CGB7: variants seen among roughly 807,000 people sequenced by gnomAD.
CGB7 encodes the protein chorionic gonadotropin subunit beta 7.
A neutral mutation model predicts 7.3 loss-of-function variants in CGB7; 6 were observed. That is an observed-to-expected ratio of 0.82 (90% CI 0.45 to 1.62). The LOEUF is 1.62. Ranked by LOEUF, CGB7 falls within the 40% of genes most tolerant of loss-of-function variation. CGB7 has a pLI of 0.01. For synonymous variants in CGB7, 47 were observed against 100.8 expected (o/e 0.47, Z 3.20); for missense variants, 114 against 236.2 (o/e 0.48, Z 3.39).
Position 49,055,658 on chromosome 19 carries a change from A to G in CGB7, c.-283T>C. On this transcript the variant is annotated 5_prime_UTR_variant, in exon 3 of 5. Transcript: ENST00000684222. ...ACTAGTCGAGGCTGGAGGCACAGAG[A>G]GTAGGGTGTAGGAAGGCCTGCCTCT... The G allele has an allele frequency of 6.5e-6, 9 of 1,383,420 alleles. No individual in the cohort carries two copies. The highest frequency in any genetic ancestry group is 6.6e-6 in the Non-Finnish European group (7 of 1,066,564). The allele number at this position is 1,383,420 out of a possible 1,614,324, so 85.7% of individuals were successfully genotyped here.
At chr19:49,057,028 G>A in intron 2 of CGB7, 93 bp downstream of exon 2, 3 of 1,336,932 alleles carry the variant, frequency 2.2e-6, no homozygotes, top group South Asian at 1.3e-5. Flanking sequence ...TGAGACCACC[G>A]GTCAGGGAAT....
rs777084257 is a variant in CGB7, at chr19:49,056,413, C to G, written c.-1038G>C. On this transcript the variant is annotated 5_prime_UTR_variant, in exon 3 of 5. Transcript: ENST00000684222. ...GGCGGAAGCGGTCGAGCCGGCGGAG[C>G]GGGTGCGGCGAGGAGCTGTAGGTTT... is the stretch of plus-strand genomic sequence containing the variant. 7.7e-7 allele frequency: 1 copy of G among 1,296,392 alleles called. No individual in the cohort carries two copies. 80.3% of individuals were successfully genotyped at this position (1,296,392 alleles called of 1,614,324 possible). A position where few individuals can be genotyped will look rare whatever the true frequency, so the allele number is the denominator to read the frequency against.
Position 49,055,887 on chromosome 19 carries a change from C to T in CGB7, c.-512G>A, listed in dbSNP as rs1226898584. 74 of 1,080,420 alleles carry T rather than the reference C, an allele frequency of 6.8e-5. 1 individual carries two copies. The highest frequency in any genetic ancestry group is 7.7e-5 in the Non-Finnish European group (68 of 884,198). 66.9% of individuals were successfully genotyped at this position (1,080,420 alleles called of 1,614,324 possible). On this transcript the variant is annotated 5_prime_UTR_variant, in exon 3 of 5. Coordinates refer to ENST00000684222, the MANE Select transcript of CGB7 (RefSeq NM_001385261.1). Reference sequence around the variant, plus strand: ...CCAGGGAAGCCACTTGACCCAGATGCCCCCCAACGAGGGATTCAGCCCGAG... The same window carrying T: ...CCAGGGAAGCCACTTGACCCAGATGTCCCCCAACGAGGGATTCAGCCCGAG...
In CGB7 at chr19:49,055,437, G is replaced by C. The variant is rs1450464734; in HGVS notation, c.-62C>G. The C allele has an allele frequency of 1.4e-5, 22 of 1,605,814 alleles. No homozygotes were observed. The highest frequency in any genetic ancestry group is 1.9e-5 in the Non-Finnish European group (22 of 1,175,832). On this transcript the variant is annotated 5_prime_UTR_variant, in exon 3 of 5. Transcript: ENST00000684222. ...TACCTCGGGTTTGTGGGGGCGTCAA[G>C]GCCACCAGGAGGTTGTAGGATGCTG...
intron 2 of CGB7, 133 bp downstream of exon 2, chr19:49,056,988 T>C: frequency 1.0e-6 from 1 of 962,682 alleles, no homozygotes; most frequent in Non-Finnish European, 1.6e-6. Flanking sequence ...GGGTCTGAAC[T>C]GTGGTTGTTG....
intron 3 of CGB7, 115 bp downstream of exon 3, chr19:49,055,246 G>A (rs1243659764): frequency 1.2e-5 from 20 of 1,603,514 alleles, no homozygotes; most frequent in Non-Finnish European, 1.6e-5. Context: ...GCTTATTGGG[G>A]GTCACGCTCC....
In CGB7 at chr19:49,057,508, GC is replaced by G; in HGVS notation, c.-1396del. 4.9e-6 allele frequency: 6 copies of G among 1,223,544 alleles called. No homozygotes were observed. The highest frequency in any genetic ancestry group is 1.9e-5 in the South Asian group (1 of 53,246). The allele number at this position is 1,223,544 out of a possible 1,614,324, so 75.8% of individuals were successfully genotyped here. A position where few individuals can be genotyped will look rare whatever the true frequency, so the allele number is the denominator to read the frequency against. On this transcript the variant is annotated 5_prime_UTR_variant, in exon 1 of 5. Coordinates refer to ENST00000684222, the MANE Select transcript of CGB7 (RefSeq NM_001385261.1). ...TGCTGGTCAAGGAACTCAAATGCAG[GC>G]CCCCAGCCACCACAAAATCCCCCTG... is the stretch of plus-strand genomic sequence containing the variant.
rs2040066045 is a variant in CGB7 at position 49,056,468 on chromosome 19, G to A, written c.-1093C>T. ...AGCCGGAGACATGGCCCGCCGTGCG[G>A]CGCTCGAGGCGGCCTGGAAGAGCAG... On this transcript the variant is annotated 5_prime_UTR_variant, in exon 3 of 5. Coordinates refer to ENST00000684222, the MANE Select transcript of CGB7 (RefSeq NM_001385261.1). 1 of 1,300,206 alleles carries A rather than the reference G, an allele frequency of 7.7e-7. No homozygotes were observed. Among genetic ancestry groups the A allele is most frequent in the African/African-American group, 1.5e-5 (1 of 66,110 alleles). 80.5% of individuals were successfully genotyped at this position (1,300,206 alleles called of 1,614,324 possible).
At position 49,055,656 on chromosome 19, in the gene CGB7, A is replaced by G. The variant is rs56131938; in HGVS notation, c.-281T>C. The G allele has an allele frequency of 0.045, 62,938 of 1,384,526 alleles. 1,811 individuals are homozygous for G. Among genetic ancestry groups the G allele is most frequent in the Middle Eastern group, 0.051 (189 of 3,680 alleles). The allele number at this position is 1,384,526 out of a possible 1,614,324, so 85.8% of individuals were successfully genotyped here. A position where few individuals can be genotyped will look rare whatever the true frequency, so the allele number is the denominator to read the frequency against. ...GGACTAGTCGAGGCTGGAGGCACAG[A>G]GAGTAGGGTGTAGGAAGGCCTGCCT... is the stretch of plus-strand genomic sequence containing the variant. On this transcript the variant is annotated 5_prime_UTR_variant, in exon 3 of 5. Transcript: ENST00000684222.
intron 1 of CGB7, 99 bp downstream of exon 1, chr19:49,057,363 A>G: frequency 7.0e-7 from 1 of 1,432,526 alleles, no homozygotes; most frequent in East Asian, 2.6e-5. Context: ...CATGACGGCC[A>G]CGGCCCTCAC....
rs1278128145 is a variant in CGB7, at chr19:49,055,718, C to T, written c.-343G>A. 28 of 1,269,616 alleles carry T rather than the reference C, an allele frequency of 2.2e-5. 1 individual carries two copies. The highest frequency in any genetic ancestry group is 6.3e-4 in the Middle Eastern group (2 of 3,170). 78.6% of individuals were successfully genotyped at this position (1,269,616 alleles called of 1,614,324 possible). A position where few individuals can be genotyped will look rare whatever the true frequency, so the allele number is the denominator to read the frequency against. ...GGGGTCTTGGGAACCAGGAGGAGGCCGTGACCCGAGAAAGGTGCTGGACTG... is the reference window on the plus strand; with the variant it reads ...GGGGTCTTGGGAACCAGGAGGAGGCTGTGACCCGAGAAAGGTGCTGGACTG... On this transcript the variant is annotated 5_prime_UTR_variant, in exon 3 of 5. Coordinates refer to ENST00000684222, the MANE Select transcript of CGB7 (RefSeq NM_001385261.1).
rs1376784723 is a variant in CGB7 at position 49,055,549 on chromosome 19, C to T, written c.-174G>A. ...AGTGGCTCAGCGGAGCACCCCAGTC[C>T]TCTCCCCTCAGTGGTCTAGCGCCAA... On this transcript the variant is annotated 5_prime_UTR_variant, in exon 3 of 5. Coordinates refer to ENST00000684222, the MANE Select transcript of CGB7 (RefSeq NM_001385261.1). 14 of 1,550,770 alleles carry T rather than the reference C, an allele frequency of 9.0e-6. No individual in the cohort carries two copies. Among genetic ancestry groups the T allele is most frequent in the South Asian group, 2.5e-5 (2 of 81,040 alleles).
At chr19:49,057,346 C>T in intron 1 of CGB7, 98 bp from the exon 2 acceptor site, 1 of 1,446,714 alleles carries the variant, frequency 6.9e-7, no homozygotes, top group South Asian at 1.4e-5. Flanking sequence ...CCTTCGGCCT[C>T]GACAGCCATG....
Position 49,055,068 on chromosome 19 carries a change from C to T in CGB7, c.16-60G>A, listed in dbSNP as rs573883904. Reference sequence around the variant, plus strand: ...ACCACAGCCCTGAGCCCTGGCCTTCCCATCCCCCAGGGTACACCACCCACA... The same window carrying T: ...ACCACAGCCCTGAGCCCTGGCCTTCTCATCCCCCAGGGTACACCACCCACA... On this transcript the variant is annotated intron_variant, in intron 3 of 4. Transcript: ENST00000684222. 6.4e-5 allele frequency: 102 copies of T among 1,600,656 alleles called. 1 individual carries two copies. In the South Asian group the frequency reaches 1.1e-3, roughly 17 times the overall value.
chr19:49,055,198 A>G, intron 3 of CGB7, 163 bp downstream of exon 3: 1 of 984,718 alleles, frequency 1.0e-6, no homozygotes, highest in Non-Finnish European at 1.2e-6. Context: ...ATGCCCCAAC[A>G]TTTCAGATCC....
rs771534823 is a variant in CGB7, at chr19:49,055,412, T to C, written c.-37A>G. ...CCCCTGCCTGGTGTACCTGGCTTTA[T>C]ACCTCGGGTTTGTGGGGGCGTCAAG... On this transcript the variant is annotated 5_prime_UTR_variant, in exon 3 of 5. Coordinates refer to ENST00000684222, the MANE Select transcript of CGB7 (RefSeq NM_001385261.1). 9 of 1,610,392 alleles carry C rather than the reference T, an allele frequency of 5.6e-6. No individual in the cohort carries two copies. Among genetic ancestry groups the C allele is most frequent in the Non-Finnish European group, 7.6e-6 (9 of 1,178,022 alleles).
At position 49,056,105 on chromosome 19, in the gene CGB7, G is replaced by T. The variant is rs2040058050; in HGVS notation, c.-730C>A. Reference sequence around the variant, plus strand: ...TTAGTCCCTTCCCCGCGATCCAGCCGCAGCTGAGTGGGCGTGTCTGGGCTA... The same window carrying T: ...TTAGTCCCTTCCCCGCGATCCAGCCTCAGCTGAGTGGGCGTGTCTGGGCTA... On this transcript the variant is annotated 5_prime_UTR_variant, in exon 3 of 5. Coordinates refer to ENST00000684222, the MANE Select transcript of CGB7 (RefSeq NM_001385261.1). The T allele has an allele frequency of 8.5e-7, 1 of 1,181,570 alleles. No homozygotes were observed. Among genetic ancestry groups the T allele is most frequent in the East Asian group, 6.0e-5 (1 of 16,542 alleles). 73.2% of individuals were successfully genotyped at this position (1,181,570 alleles called of 1,614,324 possible).
In CGB7 at chr19:49,056,451, A is replaced by C; in HGVS notation, c.-1076T>G. The C allele has an allele frequency of 7.7e-7, 1 of 1,299,172 alleles. No homozygotes were observed. The highest frequency in any genetic ancestry group is 1.0e-6 in the Non-Finnish European group (1 of 995,076). The allele number at this position is 1,299,172 out of a possible 1,614,324, so 80.5% of individuals were successfully genotyped here. On this transcript the variant is annotated 5_prime_UTR_variant, in exon 3 of 5. Coordinates refer to ENST00000684222, the MANE Select transcript of CGB7 (RefSeq NM_001385261.1). Reference sequence around the variant, plus strand: ...GAGCTGTAGGTTTCCTGAGCCGGAGACATGGCCCGCCGTGCGGCGCTCGAG... The same window carrying C: ...GAGCTGTAGGTTTCCTGAGCCGGAGCCATGGCCCGCCGTGCGGCGCTCGAG...
At chr19:49,055,297 C>T (rs2040043445) in intron 3 of CGB7, 64 bp downstream of exon 3, 1 of 1,608,444 alleles carries the variant, frequency 6.2e-7, no homozygotes, top group African/African-American at 1.3e-5. Context: ...ACTGGTCTGC[C>T]CCTTCTCATG....
Sources: allele counts gnomAD v4.1 joint callset, GRCh38; gene constraint gnomAD v4.1.1; transcripts MANE v1.5; gene names NCBI Gene and HGNC (gene_info 2026-07-23, HGNC 2026-07-21).